The following CD3E variants were observed in gnomAD, a reference collection of about 807,000 sequenced individuals.
CD3E encodes T-cell surface glycoprotein CD3 epsilon chain.
In CD3E, 16 loss-of-function variants were observed where a neutral mutation model predicts 34.7. The observed-to-expected ratio is 0.46, with a 90% CI of 0.31 to 0.70. CD3E has a LOEUF of 0.70. Ranked by LOEUF, CD3E falls within the 30% of genes least tolerant of loss-of-function variation. The pLI, the probability that CD3E is intolerant of heterozygous loss-of-function variation, is 0.05. For missense variants in CD3E, 223 were observed against 253.9 expected (o/e 0.88, Z 0.83); for synonymous variants, 70 against 90.8 (o/e 0.77, Z 1.30).
chr11:118,313,842 C>T lies in CD3E; in HGVS notation c.488C>T (p.Thr163Ile), dbSNP rs1236099402. 4.3e-6 allele frequency: 7 copies of T among 1,613,718 alleles called. No individual in the cohort carries two copies. The Admixed American group carries it at 8.3e-5, about 19-fold the overall frequency. Residue 163 changes from threonine to isoleucine, a missense_variant, in exon 7 of 9, where the codon ACA becomes ATA. Transcript: ENST00000361763. ...AGAAAGGCCAAGGCCAAGCCTGTGA[C>T]ACGAGGAGCGGGTGCTGGCGGCAGG... is the stretch of plus-strand genomic sequence containing the variant. ...KNRKAKAKPVTRGAGAGGRQR... is the reference protein window; with the variant it reads ...KNRKAKAKPVIRGAGAGGRQR...
chr11:118,308,241 C>T (rs1163945067), intron 3 of CD3E, among the ~76,000 whole-genome samples, 186 bp from the exon 4 acceptor site: 1 of 152,098 alleles, frequency 6.6e-6, no homozygotes, highest in Non-Finnish European at 1.5e-5. Context: ...TCCTTAGGAG[C>T]CATTTTTGTA....
chr11:118,305,066 T>A, intron 2 of CD3E, 65 bp downstream of exon 2: 2 of 1,392,896 alleles, frequency 1.4e-6, no homozygotes, highest in Non-Finnish European at 2.0e-6. Flanking sequence ...CAGCCTTACC[T>A]GGCACTGCCT....
Position 118,315,632 on chromosome 11 carries a change from C to CGAGA in CD3E, c.*95_*98dup. 1 of 1,135,654 alleles carries CGAGA rather than the reference C, an allele frequency of 8.8e-7. No homozygotes were observed. Among genetic ancestry groups the CGAGA allele is most frequent in the South Asian group, 1.3e-5 (1 of 75,874 alleles). 70.3% of individuals were successfully genotyped at this position (1,135,654 alleles called of 1,614,324 possible). Reference sequence around the variant, plus strand: ...TTTCCTGGGCTAGTCTTGGACCCCACGAGAGAGAATCGTTCCTCAGCCTCA... The same window carrying CGAGA: ...TTTCCTGGGCTAGTCTTGGACCCCACGAGAGAGAGAGAATCGTTCCTCAGCCTCA... On this transcript the variant is annotated 3_prime_UTR_variant, in exon 9 of 9. Transcript: ENST00000361763.
chr11:118,312,142 T>C lies in CD3E; in HGVS notation c.86-11T>C. 6.2e-7 allele frequency: 1 copy of C among 1,611,258 alleles called. No individual in the cohort carries two copies. ...TATTTTCTTACTGCTGTTTCCTTTTTTCATTTTCAGGTGGTATTACACAGA... is the reference window on the plus strand; with the variant it reads ...TATTTTCTTACTGCTGTTTCCTTTTCTCATTTTCAGGTGGTATTACACAGA... On this transcript the variant is annotated splice_polypyrimidine_tract_variant and intron_variant, in intron 4 of 8. Coordinates refer to ENST00000361763, the MANE Select transcript of CD3E (RefSeq NM_000733.4).
Position 118,314,439 on chromosome 11 carries a change from C to T in CD3E, c.521-9C>T, listed in dbSNP as rs763777716. The stretch of plus-strand genomic sequence containing the variant: ...TGGGAATGAAATGTTTCCCCTCCTT[C>T]CTCCGCAGGACAAAACAAGGAGAGG... On this transcript the variant is annotated splice_polypyrimidine_tract_variant and intron_variant, in intron 7 of 8. Coordinates refer to ENST00000361763, the MANE Select transcript of CD3E (RefSeq NM_000733.4). 1 of 1,613,476 alleles carries T rather than the reference C, an allele frequency of 6.2e-7. No homozygotes were observed.
intron 8 of CD3E, 34 bp from the exon 9 acceptor site, chr11:118,315,452 A>G (rs778211203): frequency 7.5e-6 from 12 of 1,596,748 alleles, no homozygotes; most frequent in South Asian, 1.1e-5. Flanking sequence ...TTCCTCCCGC[A>G]CCACTGACCG....
Position 118,313,708 on chromosome 11 carries a change from G to T in CD3E, c.354G>T (p.Val118=). 1 of 1,613,940 alleles carries T rather than the reference G, an allele frequency of 6.2e-7. No individual in the cohort carries two copies. The highest frequency in any genetic ancestry group is 8.5e-7 in the Non-Finnish European group (1 of 1,179,944). ...CTCTCCCCACCCCACCCCCCACAGT[G>T]TGTGAGAACTGCATGGAGATGGATG... The part of the protein sequence containing the change: ...ANFYLYLRAR[V]CENCMEMDVM... Residue 118 remains valine (V), a splice_region_variant and synonymous_variant, in exon 7 of 9, where the codon GTG becomes GTT. Coordinates refer to ENST00000361763, the MANE Select transcript of CD3E (RefSeq NM_000733.4).
chr11:118,314,378 A>C, intron 7 of CD3E, 70 bp from the exon 8 acceptor site: 1 of 1,335,344 alleles, frequency 7.5e-7, no homozygotes, highest in Non-Finnish European at 1.1e-6. Context: ...TCTGGGTCTC[A>C]CTGGCACAGA....
chr11:118,312,730 T>TA lies in CD3E; in HGVS notation c.221dup (p.Asn74LysfsTer5). 1 of 1,614,064 alleles carries TA rather than the reference T, an allele frequency of 6.2e-7. No individual in the cohort carries two copies. The highest frequency in any genetic ancestry group is 8.5e-7 in the Non-Finnish European group (1 of 1,180,014). ...AAAACATAGGCGGTGATGAGGATGA[T>TA]AAAAACATAGGCAGTGATGAGGATC... On this transcript the variant is annotated frameshift_variant, in exon 6 of 9. Coordinates refer to ENST00000361763, the MANE Select transcript of CD3E (RefSeq NM_000733.4). LOFTEE classifies it high-confidence loss of function.
chr11:118,305,457 C>G (rs981142061), intron 2 of CD3E, among the ~76,000 whole-genome samples: 1 of 152,210 alleles, frequency 6.6e-6, no homozygotes, highest in African/African-American at 2.4e-5. Flanking sequence ...AAGTGACCAA[C>G]AACTTTCAGT....
At chr11:118,306,994 G>A (rs555041128) in intron 2 of CD3E, among the ~76,000 whole-genome samples, 4 of 152,170 alleles carry the variant, frequency 2.6e-5, no homozygotes, top group South Asian at 2.1e-4. Context: ...GTCTCTAGTC[G>A]TCCAAAAAAT....
chr11:118,313,849 A>G lies in CD3E; in HGVS notation c.495A>G (p.Gly165=), dbSNP rs2134767983. The stretch of plus-strand genomic sequence containing the variant: ...CCAAGGCCAAGCCTGTGACACGAGG[A>G]GCGGGTGCTGGCGGCAGGCAAAGGG... ...RKAKAKPVTR[G]AGAGGRQRGQ... The change falls in exon 7 of 9, where the codon GGA becomes GGG. Residue 165 remains glycine (G), a synonymous_variant. Transcript: ENST00000361763. 4 of 1,613,746 alleles carry G rather than the reference A, an allele frequency of 2.5e-6. No homozygotes were observed. The highest frequency in any genetic ancestry group is 3.4e-6 in the Non-Finnish European group (4 of 1,180,042).
chr11:118,316,028 T>A lies in CD3E; in HGVS notation c.*486T>A. On this transcript the variant is annotated 3_prime_UTR_variant, in exon 9 of 9. Coordinates refer to ENST00000361763, the MANE Select transcript of CD3E (RefSeq NM_000733.4). Reference sequence around the variant, plus strand: ...CCTGAGCCAGCCCTGTGCTCCTCCCTCCCCCAACACTCCCTACCAACCCCC... The same window carrying A: ...CCTGAGCCAGCCCTGTGCTCCTCCCACCCCCAACACTCCCTACCAACCCCC... 1 of 157,132 alleles carries A rather than the reference T, an allele frequency of 6.4e-6. No homozygotes were observed. The highest frequency in any genetic ancestry group is 1.3e-5 in the Non-Finnish European group (1 of 79,666). 9.7% of individuals were successfully genotyped at this position (157,132 alleles called of 1,614,324 possible).
At chr11:118,309,412 C>T (rs1344655635) in intron 4 of CD3E, among the ~76,000 whole-genome samples, 4 of 152,072 alleles carry the variant, frequency 2.6e-5, no homozygotes, top group Non-Finnish European at 5.9e-5. Flanking sequence ...TCCATCTCTG[C>T]TAAAAATACA....
In CD3E at chr11:118,313,652, G is replaced by A. The variant is rs142332884; in HGVS notation, c.353-55G>A. 1,191 of 1,559,424 alleles carry A rather than the reference G, an allele frequency of 7.6e-4. 8 individuals carry two copies. In the African/African-American group the frequency reaches 0.013, roughly 18 times the overall value. The stretch of plus-strand genomic sequence containing the variant: ...CATGCACTCCCTCCTCACCTCCAGC[G>A]CCTTGTGTTTTCCTTGCTTAGTGAT... On this transcript the variant is annotated intron_variant, in intron 6 of 8. Coordinates refer to ENST00000361763, the MANE Select transcript of CD3E (RefSeq NM_000733.4).
chr11:118,312,274 T>C (rs1948139713), intron 5 of CD3E, 104 bp downstream of exon 5: 1 of 1,034,910 alleles, frequency 9.7e-7, no homozygotes, highest in East Asian at 2.4e-5. Flanking sequence ...ACTGATATCT[T>C]CCCAGCATTG....
Position 118,315,692 on chromosome 11 carries a change from T to A in CD3E, c.*150T>A, listed in dbSNP as rs917042998. 2.0e-5 allele frequency: 14 copies of A among 703,224 alleles called. No homozygotes were observed. The East Asian group carries it at 3.8e-4, about 19-fold the overall frequency. 43.6% of individuals were successfully genotyped at this position (703,224 alleles called of 1,614,324 possible). A position where few individuals can be genotyped will look rare whatever the true frequency, so the allele number is the denominator to read the frequency against. Reference sequence around the variant, plus strand: ...CGCGCCCTCCAGCCTGATCCCCCGCTCCCTCCTCCCTGCCTTCTCTGCTGG... The same window carrying A: ...CGCGCCCTCCAGCCTGATCCCCCGCACCCTCCTCCCTGCCTTCTCTGCTGG... On this transcript the variant is annotated 3_prime_UTR_variant, in exon 9 of 9. Transcript: ENST00000361763.
At chr11:118,305,043 G>A (rs375962834) in intron 2 of CD3E, 42 bp downstream of exon 2, 42 of 1,574,444 alleles carry the variant, frequency 2.7e-5, no homozygotes, top group African/African-American at 5.4e-5. Flanking sequence ...TCTCCAGACC[G>A]CTGGAAGGCT....
At position 118,313,792 on chromosome 11, in the gene CD3E, G is replaced by A; in HGVS notation, c.438G>A (p.Leu146=). 6.2e-7 allele frequency: 1 copy of A among 1,614,160 alleles called. No individual in the cohort carries two copies. The highest frequency in any genetic ancestry group is 8.5e-7 in the Non-Finnish European group (1 of 1,180,032). The part of the protein sequence containing the change: ...VDICITGGLL[L]LVYYWSKNRK... ...TCTGCATCACTGGGGGCTTGCTGCTGCTGGTTTACTACTGGAGCAAGAATA... is the reference window on the plus strand; with the variant it reads ...TCTGCATCACTGGGGGCTTGCTGCTACTGGTTTACTACTGGAGCAAGAATA... Residue 146 remains leucine, a synonymous_variant, in exon 7 of 9, where the codon CTG becomes CTA. Transcript: ENST00000361763.
Sources: gnomAD v4.1 joint callset for allele counts (sites outside exome capture counted in the v4.1 genomes callset) on GRCh38, gnomAD v4.1.1 for gene constraint, MANE v1.5 for transcripts, NCBI Gene and HGNC (gene_info 2026-07-23, HGNC 2026-07-21) for gene names.